WWOX: variants seen among roughly 807,000 people sequenced by gnomAD.
WWOX encodes the protein WW domain-containing oxidoreductase.
A neutral mutation model predicts 46.2 loss-of-function variants in WWOX; 69 were observed. The ratio of observed to expected loss-of-function variants is 1.49; its 90% CI spans 1.23 to 1.82. WWOX has a LOEUF of 1.82. WWOX is among the 40% of genes most tolerant of loss of function. The pLI is 0.00. For synonymous variants in WWOX, 359 were observed against 202.6 expected, an observed-to-expected ratio of 1.77 and a Z score of -6.56; for missense variants, 919 against 542.6, an observed-to-expected ratio of 1.69 and a Z score of -6.89.
chr16:78,321,358 G>T (rs62034371), intron 5 of WWOX, among the ~76,000 whole-genome samples: 1 of 33,696 alleles, frequency 3.0e-5, no homozygotes. Flanking sequence ...ACGTATATAT[G>T]CGTATATATA....
At chr16:78,484,678 A>G (rs527571072) in intron 8 of WWOX, among the ~76,000 whole-genome samples, 2 of 152,302 alleles carry the variant, frequency 1.3e-5, no homozygotes, top group South Asian at 4.1e-4. Flanking sequence ...AGGAGTCTCT[A>G]AGCAGGTTGC....
At chr16:78,300,928 C>G (rs941387034) in intron 5 of WWOX, among the ~76,000 whole-genome samples, 13 of 152,166 alleles carry the variant, frequency 8.5e-5, no homozygotes, top group African/African-American at 2.9e-4. Context: ...ATCTGTCCAT[C>G]TCTTTGTCCA....
At chr16:79,077,619 C>G (rs1215745478) in intron 8 of WWOX, 1 of 149,772 alleles carries the variant, frequency 6.7e-6, no homozygotes, top group South Asian at 2.1e-4. Context: ...GGGCCTCCAC[C>G]CAATGTCCTT....
chr16:78,153,125 G>T (rs72804923), intron 4 of WWOX, among the ~76,000 whole-genome samples: 26 of 152,148 alleles, frequency 1.7e-4, no homozygotes, highest in Non-Finnish European at 2.4e-4. Context: ...TTGGAACTCA[G>T]AACTATGTAA....
intron 8 of WWOX, among the ~76,000 whole-genome samples, chr16:78,923,236 C>T (rs751619908): frequency 3.9e-5 from 6 of 152,134 alleles, no homozygotes; most frequent in Non-Finnish European, 8.8e-5. Context: ...GTAACTCGGC[C>T]TCCCAAAGCA....
intron 8 of WWOX, among the ~76,000 whole-genome samples, chr16:78,871,487 T>C (rs1265077161): frequency 2.0e-5 from 3 of 152,188 alleles, no homozygotes; most frequent in African/African-American, 7.2e-5. Flanking sequence ...TGGTCAGAAA[T>C]GAGTCCTGTG....
chr16:78,391,380 A>T (rs982276936), intron 6 of WWOX, among the ~76,000 whole-genome samples: 3 of 152,226 alleles, frequency 2.0e-5, no homozygotes, highest in African/African-American at 7.2e-5. Context: ...CTACTTTGCA[A>T]ATTACAAGGT....
chr16:78,314,194 C>T (rs1179055103), intron 5 of WWOX, among the ~76,000 whole-genome samples: 2 of 151,962 alleles, frequency 1.3e-5, no homozygotes, highest in Admixed American at 6.6e-5. Context: ...ATCACGAGGT[C>T]AGGAGATGGA....
chr16:78,750,848 T>C (rs775846920), intron 8 of WWOX, among the ~76,000 whole-genome samples: 2 of 152,160 alleles, frequency 1.3e-5, no homozygotes, highest in Non-Finnish European at 2.9e-5. Context: ...GGCTGTGTAG[T>C]ATTTCGTGGT....
intron 8 of WWOX, among the ~76,000 whole-genome samples, chr16:78,610,416 G>C (rs1185606153): frequency 6.6e-6 from 1 of 152,100 alleles, no homozygotes; most frequent in Non-Finnish European, 1.5e-5. Flanking sequence ...TTCTATCAAA[G>C]GAAGAACAAA....
chr16:78,378,693 G>A (rs2081885194), intron 5 of WWOX, among the ~76,000 whole-genome samples: 2 of 152,198 alleles, frequency 1.3e-5, no homozygotes, highest in South Asian at 4.1e-4. Context: ...CTGAGAGTAT[G>A]TAAAGCGGAA....
intron 8 of WWOX, among the ~76,000 whole-genome samples, chr16:78,591,697 A>C (rs1777339241): frequency 6.6e-6 from 1 of 152,224 alleles, no homozygotes; most frequent in African/African-American, 2.4e-5. Context: ...TGTTACAGGG[A>C]GAAAAGACTG....
Position 79,171,862 on chromosome 16 carries a change from A to G in WWOX, c.1057-39746A>G, listed in dbSNP as rs567380583. Among the ~76,000 whole-genome samples the G allele has an allele frequency of 1.2e-4, 18 of 152,342 alleles. No homozygotes were observed. The East Asian group carries it at 2.1e-3, about 18-fold the overall frequency. On this transcript the variant is annotated intron_variant, in intron 8 of 8. Transcript: ENST00000566780. ...AAAAAAAAAAATTACCAAAACAAAT[A>G]TGATCACAGAAGCTTTTAAAATCTG...
intron 8 of WWOX, among the ~76,000 whole-genome samples, chr16:78,768,549 C>T (rs1030102225): frequency 3.3e-5 from 5 of 151,264 alleles, no homozygotes; most frequent in East Asian, 2.0e-4. Flanking sequence ...GAGACTGCGC[C>T]GCTGCACTCC....
chr16:78,686,268 T>A (rs1456668906), intron 8 of WWOX, among the ~76,000 whole-genome samples: 1 of 152,064 alleles, frequency 6.6e-6, no homozygotes. Context: ...TCCCAGGACT[T>A]TGGGAGGCCG....
chr16:79,145,009 C>G (rs374337400), intron 8 of WWOX, among the ~76,000 whole-genome samples: 20 of 152,112 alleles, frequency 1.3e-4, no homozygotes, highest in Non-Finnish European at 2.1e-4. Context: ...AGTATATCCC[C>G]TGTGCAGAAG....
intron 8 of WWOX, among the ~76,000 whole-genome samples, chr16:78,765,607 A>T (rs1336168240): frequency 1.3e-5 from 2 of 151,942 alleles, no homozygotes; most frequent in African/African-American, 4.8e-5. Context: ...TGAACCCGGG[A>T]GGCAGACGTT....
chr16:78,943,250 C>T (rs1033506150), intron 8 of WWOX, among the ~76,000 whole-genome samples: 14 of 151,198 alleles, frequency 9.3e-5, no homozygotes, highest in Non-Finnish European at 1.6e-4. Flanking sequence ...AAAAAGATCC[C>T]GGGAGGCAGG....
At chr16:78,699,872 G>C (rs2048175855) in intron 8 of WWOX, among the ~76,000 whole-genome samples, 1 of 152,234 alleles carries the variant, frequency 6.6e-6, no homozygotes, top group East Asian at 1.9e-4. Flanking sequence ...CATCTTCTAA[G>C]ATAATGGTTT....
Sources: allele counts gnomAD v4.1 joint callset (sites outside exome capture counted in the v4.1 genomes callset), GRCh38; gene constraint gnomAD v4.1.1; transcripts MANE v1.5; gene names NCBI Gene and HGNC (gene_info 2026-07-23, HGNC 2026-07-21).